Variants in CALD1 observed in about 807,000 individuals in gnomAD.
CALD1 encodes the protein caldesmon.
A neutral mutation model predicts 99.9 loss-of-function variants in CALD1; 33 were observed. That is an observed-to-expected ratio of 0.33 (90% CI 0.25 to 0.44). CALD1 has a LOEUF of 0.44. Among genes scored for constraint, CALD1 ranks in the 20% least tolerant of loss-of-function variants. CALD1 has a pLI of 1.00. For missense variants in CALD1, 861 were observed against 962.1 expected, an observed-to-expected ratio of 0.89 and a Z score of 1.39; for synonymous variants, 310 against 325.0, an observed-to-expected ratio of 0.95 and a Z score of 0.50.
At position 134,933,399 on chromosome 7, in the gene CALD1, G is replaced by C; in HGVS notation, c.630G>C (p.Val210=). 1.2e-6 allele frequency: 2 copies of C among 1,612,682 alleles called. No homozygotes were observed. Among genetic ancestry groups the C allele is most frequent in the African/African-American group, 1.3e-5 (1 of 74,912 alleles). Residue 210 remains valine (V), a synonymous_variant, in exon 5 of 15, where the codon GTG becomes GTC. Transcript: ENST00000361675. The part of the protein sequence containing the change: ...RGSIGENQVE[V]MVEEKTTESQ... The stretch of plus-strand genomic sequence containing the variant: ...GCATTGGAGAAAATCAGGTAGAGGT[G>C]ATGGTGGAAGAGAAAACAACTGAAA...
chr7:134,836,302 G>A (rs368232722), intron 1 of CALD1, among the ~76,000 whole-genome samples: 1 of 152,050 alleles, frequency 6.6e-6, no homozygotes, highest in East Asian at 1.9e-4. Context: ...GCCATACACA[G>A]GAACACAGGC....
At chr7:134,819,883 A>AAAAC (rs72265088) in intron 1 of CALD1, among the ~76,000 whole-genome samples, 33 of 150,986 alleles carry the variant, frequency 2.2e-4, no homozygotes, top group South Asian at 4.2e-4. Context: ...TCTCAAAAAC[A>AAAAC]AAACAAACAA....
At chr7:134,790,894 G>T (rs1797502103) in intron 1 of CALD1, among the ~76,000 whole-genome samples, 1 of 152,142 alleles carries the variant, frequency 6.6e-6, no homozygotes, top group African/African-American at 2.4e-5. Flanking sequence ...TTAAGAAAAG[G>T]CAGAGGATCA....
chr7:134,791,431 CA>C (rs1797529441), intron 1 of CALD1, among the ~76,000 whole-genome samples: 1 of 152,158 alleles, frequency 6.6e-6, no homozygotes, highest in South Asian at 2.1e-4. Context: ...CTCCTGACCT[CA>C]AGTGATCTGC....
rs74767554 is a variant in CALD1 at position 134,753,033 on chromosome 7, C to A, written c.-130+8670C>A. 5.0e-3 allele frequency among the ~76,000 whole-genome samples: 680 copies of A among 135,662 alleles called. 7 individuals carry two copies. Among genetic ancestry groups the A allele is most frequent in the African/African-American group, 0.015 (540 of 36,778 alleles). The allele number at this position is 135,662 out of a possible 152,430, so 89.0% of individuals were successfully genotyped here. ...TCGAAAAAAAAAAAACAAAAAAAAA[C>A]AAAAAAAAAAAACACTTTTCACACT... On this transcript the variant is annotated intron_variant, in intron 1 of 13. Coordinates refer to the CALD1 transcript ENST00000417172.
rs1223542080 is a variant in CALD1, at chr7:134,783,414, C to T, written c.-130+3665C>T. Among the ~76,000 whole-genome samples the T allele has an allele frequency of 6.6e-6, 1 of 152,200 alleles. No homozygotes were observed. The highest frequency in any genetic ancestry group is 1.5e-5 in the Non-Finnish European group (1 of 68,042). ...AGATGAGGCCCAGAGTACAGCAGAA[C>T]ACTCTAGCACAGATAGGTTCTAGCT... On this transcript the variant is annotated intron_variant, in intron 1 of 14. Transcript: ENST00000361675. This position sits in a 1 kb window ranked among gnomAD's most constrained non-coding sequence, Gnocchi z 4.3.
chr7:134,928,382 T>C (rs531675529), intron 3 of CALD1, among the ~76,000 whole-genome samples: 27 of 136,794 alleles, frequency 2.0e-4, no homozygotes, highest in South Asian at 1.1e-3. Flanking sequence ...TGAGCCGAGA[T>C]TGTGCTGCTG....
At chr7:134,735,010 G>A in the CALD1 span, 1 of 255,854 alleles carries the variant, frequency 3.9e-6, no homozygotes, top group South Asian at 6.1e-5. Flanking sequence ...CTTGGCCTCA[G>A]TGAACTCCAT....
chr7:134,782,049 G>A (rs1797125675), intron 1 of CALD1, among the ~76,000 whole-genome samples: 1 of 152,202 alleles, frequency 6.6e-6, no homozygotes, highest in African/African-American at 2.4e-5. Flanking sequence ...GGTATTCTCT[G>A]TTCTGATAAA....
chr7:134,734,448 A>G, the CALD1 span, among the ~76,000 whole-genome samples: 4 of 152,218 alleles, frequency 2.6e-5, no homozygotes, highest in African/African-American at 7.2e-5. Context: ...ACATGGTGAG[A>G]CATGGCTATC....
At chr7:134,946,346 T>C (rs376718902) in intron 7 of CALD1, among the ~76,000 whole-genome samples, 18 of 152,318 alleles carry the variant, frequency 1.2e-4, no homozygotes, top group African/African-American at 4.3e-4. Flanking sequence ...ACCTAAAATT[T>C]ACCATCTTAA....
intron 1 of CALD1, among the ~76,000 whole-genome samples, chr7:134,797,565 G>C (rs1301143462): frequency 1.3e-5 from 2 of 152,166 alleles, no homozygotes; most frequent in Non-Finnish European, 1.5e-5. Flanking sequence ...AGCCAGGCTT[G>C]AACGAGCAAT....
chr7:134,936,657 C>A (rs868262401), intron 6 of CALD1, among the ~76,000 whole-genome samples: 9 of 152,104 alleles, frequency 5.9e-5, no homozygotes, highest in African/African-American at 2.2e-4. Context: ...ACAGAGAAAT[C>A]CATATTTAGA....
At chr7:134,906,905 T>C (rs1410762583) in intron 3 of CALD1, among the ~76,000 whole-genome samples, 1 of 152,134 alleles carries the variant, frequency 6.6e-6, no homozygotes, top group African/African-American at 2.4e-5. Flanking sequence ...TGTGACATCT[T>C]GGAGAAAGAA....
intron 1 of CALD1, among the ~76,000 whole-genome samples, chr7:134,823,625 G>A (rs117270194): frequency 1.1e-3 from 175 of 152,252 alleles, no homozygotes; most frequent in Non-Finnish European, 2.1e-3. Context: ...CAAAAATGCA[G>A]TGGGAATAGA....
At position 134,862,663 on chromosome 7, in the gene CALD1, T is replaced by A. The variant is rs77123216; in HGVS notation, c.-41-5030T>A. Among the ~76,000 whole-genome samples, 214 of 152,290 alleles carry A rather than the reference T, an allele frequency of 1.4e-3. 2 individuals are homozygous for A. Among genetic ancestry groups the A allele is most frequent in the African/African-American group, 4.9e-3 (204 of 41,546 alleles). ...ACTATGGTGAATACATGACATTCGG[T>A]ATTTGGTGAAACCTATGAAACTGTG... is the stretch of plus-strand genomic sequence containing the variant. On this transcript the variant is annotated intron_variant, in intron 2 of 14. Transcript: ENST00000361675.
At chr7:134,812,434 AG>A (rs1307236471) in intron 1 of CALD1, among the ~76,000 whole-genome samples, 1 of 152,202 alleles carries the variant, frequency 6.6e-6, no homozygotes, top group East Asian at 1.9e-4. Flanking sequence ...GCTGTTTCCA[AG>A]GACCACTTAG....
intron 1 of CALD1, among the ~76,000 whole-genome samples, chr7:134,832,589 G>T (rs1799274162): frequency 6.6e-6 from 1 of 152,172 alleles, no homozygotes; most frequent in Admixed American, 6.5e-5. Flanking sequence ...GATTTCCCTT[G>T]TTTGGGTTCA....
chr7:134,779,028 C>G (rs771659688), upstream of CALD1, among the ~76,000 whole-genome samples: 3 of 152,098 alleles, frequency 2.0e-5, no homozygotes, highest in African/African-American at 7.2e-5. Flanking sequence ...CTCTTTCAGG[C>G]TAGAATTTAG....
Sources: allele counts gnomAD v4.1 joint callset (sites outside exome capture counted in the v4.1 genomes callset), GRCh38; gene constraint gnomAD v4.1.1; non-coding constraint Gnocchi (gnomAD v3.1); transcripts MANE v1.5; gene names NCBI Gene and HGNC (gene_info 2026-07-23, HGNC 2026-07-21).